Variants in IQCH observed in about 807,000 individuals in gnomAD.
IQCH encodes the protein IQ motif containing H.
Under a neutral mutation model 117.0 loss-of-function variants are expected in IQCH, and 98 were observed. The observed-to-expected ratio is 0.84, with a 90% confidence interval of 0.71 to 0.99. IQCH has a LOEUF of 0.99. Ranked by LOEUF, IQCH falls within the 50% of genes least tolerant of loss-of-function variation. The pLI, the probability that IQCH is intolerant of heterozygous loss-of-function variation, is 0.00. For missense variants in IQCH, 1,102 were observed against 1,243.8 expected (o/e 0.89, Z 1.72); for synonymous variants, 412 against 448.2 (o/e 0.92, Z 1.02).
chr15:67,333,422 A>G (rs1476470751), intron 4 of IQCH, among the ~76,000 whole-genome samples: 3 of 152,342 alleles, frequency 2.0e-5, no homozygotes, highest in Non-Finnish European at 4.4e-5. Context: ...TTGAAGTTTA[A>G]TAATGTGTTA....
intron 16 of IQCH, among the ~76,000 whole-genome samples, chr15:67,452,136 T>C (rs991694210): frequency 4.6e-5 from 7 of 152,290 alleles, no homozygotes; most frequent in Non-Finnish European, 1.5e-5. Context: ...GTGAGATGGG[T>C]TTCCTGAATA....
rs185330061 is a variant in IQCH at position 67,308,245 on chromosome 15, T to C, written c.388-28730T>C. On this transcript the variant is annotated intron_variant, in intron 4 of 20. Transcript: ENST00000335894. ...CTCTTTTTCCAAAAACAGATGTGGGTATTCACTCAAGTTCTGCATCTATTC... is the reference window on the plus strand; with the variant it reads ...CTCTTTTTCCAAAAACAGATGTGGGCATTCACTCAAGTTCTGCATCTATTC... 1.1e-4 allele frequency among the ~76,000 whole-genome samples: 16 copies of C among 152,268 alleles called. No individual in the cohort carries two copies. The East Asian group carries it at 2.7e-3, about 26-fold the overall frequency.
intron 13 of IQCH, among the ~76,000 whole-genome samples, chr15:67,397,442 T>C (rs1206383995): frequency 1.3e-5 from 2 of 152,230 alleles, no homozygotes; most frequent in African/African-American, 4.8e-5. Context: ...AACCAATATT[T>C]CACTGAGTTC....
rs2140832445 is a variant in IQCH, at chr15:67,385,858, T to G, written c.1456+839T>G. ...AAATACAATTTCTTTGGCCCTTATT[T>G]AAGAAAAACAAGGAAGAATTTTAAA... On this transcript the variant is annotated intron_variant, in intron 11 of 20. Transcript: ENST00000335894. This position sits in a 1 kb window ranked among gnomAD's most constrained non-coding sequence, Gnocchi z 4.6. Among the ~76,000 whole-genome samples the G allele has an allele frequency of 6.6e-6, 1 of 152,286 alleles. No individual in the cohort carries two copies. Among genetic ancestry groups the G allele is most frequent in the East Asian group, 1.9e-4 (1 of 5,194 alleles).
At position 67,465,157 on chromosome 15, in the gene IQCH, A is replaced by G; in HGVS notation, c.2536A>G (p.Ser846Gly). 1 of 1,614,166 alleles carries G rather than the reference A, an allele frequency of 6.2e-7. No individual in the cohort carries two copies. ...VWATGLNLAY[S>G]DQLALTQLTL... ...GGCAACCGGCCTTAACCTCGCATAT[A>G]GTGACCAGCTGGCCCTGACTCAACT... The change falls in exon 17 of 21, where the codon AGT (serine) becomes GGT (glycine). Residue 846 changes from serine (S) to glycine (G), a missense_variant. This residue lies in a region of IQCH where 650 missense variants were observed against 794.3 expected (regional missense o/e 0.82). Transcript: ENST00000335894. The surrounding 1 kb of genome is among the most constrained non-coding windows in gnomAD (Gnocchi z 5.9).
At chr15:67,398,747 T>C (rs1276451941) in intron 13 of IQCH, among the ~76,000 whole-genome samples, 3 of 149,866 alleles carry the variant, frequency 2.0e-5, no homozygotes, top group Non-Finnish European at 3.0e-5. Context: ...AAAAAAATTG[T>C]GGGCAAAGAG....
chr15:67,339,889 T>A (rs966781453), intron 5 of IQCH, among the ~76,000 whole-genome samples: 1 of 152,124 alleles, frequency 6.6e-6, no homozygotes, highest in Non-Finnish European at 1.5e-5. Context: ...TTATTTGCTA[T>A]CCCAAGACTA....
At chr15:67,260,185 T>G (rs1359872255) in intron 1 of IQCH, among the ~76,000 whole-genome samples, 1 of 152,236 alleles carries the variant, frequency 6.6e-6, no homozygotes, top group African/African-American at 2.4e-5. Flanking sequence ...AACAAAATGT[T>G]TTTCTTGTGG....
chr15:67,334,385 C>T (rs1385552612), intron 4 of IQCH, among the ~76,000 whole-genome samples: 1 of 152,118 alleles, frequency 6.6e-6, no homozygotes, highest in Non-Finnish European at 1.5e-5. Flanking sequence ...CTTCTCATAC[C>T]CATACCCTAT....
At chr15:67,292,086 A>G (rs1966769244) in intron 4 of IQCH, among the ~76,000 whole-genome samples, 1 of 152,094 alleles carries the variant, frequency 6.6e-6, no homozygotes, top group Non-Finnish European at 1.5e-5. Flanking sequence ...AAGAGGCCCT[A>G]GGGAGCTTCC....
chr15:67,313,612 A>C (rs1967706539), intron 4 of IQCH, among the ~76,000 whole-genome samples: 1 of 152,138 alleles, frequency 6.6e-6, no homozygotes, highest in Non-Finnish European at 1.5e-5. Flanking sequence ...GAGAATAGTG[A>C]GAGTAACAGA....
Position 67,401,267 on chromosome 15 carries a change from TTAAAG to T in IQCH, c.2097+966_2097+970del, listed in dbSNP as rs1220091585. Among the ~76,000 whole-genome samples, 8 of 151,080 alleles carry T rather than the reference TTAAAG, an allele frequency of 5.3e-5. No individual in the cohort carries two copies. The highest frequency in any genetic ancestry group is 1.5e-4 in the African/African-American group (6 of 40,382). Reference sequence around the variant, plus strand: ...TTTAGTCCCTTCCAAATTTGCTTAATTAAAGTAATTTTATATGGTTTAATATATAA... The same window carrying T: ...TTTAGTCCCTTCCAAATTTGCTTAATTAATTTTATATGGTTTAATATATAA... On this transcript the variant is annotated intron_variant, in intron 14 of 20. Coordinates refer to ENST00000335894, the MANE Select transcript of IQCH (RefSeq NM_001031715.3). This position sits in a 1 kb window ranked among gnomAD's most constrained non-coding sequence, Gnocchi z 4.7.
In IQCH at chr15:67,384,681, C is replaced by A. The variant is rs1971049632; in HGVS notation, c.1373-255C>A. On this transcript the variant is annotated intron_variant, in intron 10 of 20. Coordinates refer to ENST00000335894, the MANE Select transcript of IQCH (RefSeq NM_001031715.3). This position sits in a 1 kb window ranked among gnomAD's most constrained non-coding sequence, Gnocchi z 4.3. ...TTCTCCATGTTTTGTCATCTTGATT[C>A]TTAGCAGCCTTGTTGGTACTGAAAA... is the stretch of plus-strand genomic sequence containing the variant. Among the ~76,000 whole-genome samples, 2 of 151,782 alleles carry A rather than the reference C, an allele frequency of 1.3e-5. No individual in the cohort carries two copies. Among genetic ancestry groups the A allele is most frequent in the Non-Finnish European group, 2.9e-5 (2 of 67,928 alleles).
Position 67,357,422 on chromosome 15 carries a change from G to A in IQCH, c.714+1G>A. Reference sequence around the variant, plus strand: ...CTTTCCCAAGAAACAAAGATCAAAGGTATTTATATTCCTCACTATAGAAAG... The same window carrying A: ...CTTTCCCAAGAAACAAAGATCAAAGATATTTATATTCCTCACTATAGAAAG... On this transcript the variant is annotated splice_donor_variant, in intron 7 of 20. Transcript: ENST00000335894. LOFTEE classifies it high-confidence loss of function. 1 of 1,567,944 alleles carries A rather than the reference G, an allele frequency of 6.4e-7. No homozygotes were observed. Among genetic ancestry groups the A allele is most frequent in the African/African-American group, 1.4e-5 (1 of 74,018 alleles).
At chr15:67,258,367 C>G (rs776500857) in intron 1 of IQCH, among the ~76,000 whole-genome samples, 1 of 151,350 alleles carries the variant, frequency 6.6e-6, no homozygotes, top group Non-Finnish European at 1.5e-5. Context: ...CCCGTCTCTA[C>G]TAAAAATACA....
intron 4 of IQCH, among the ~76,000 whole-genome samples, chr15:67,294,975 AG>A (rs1966843456): frequency 6.6e-6 from 1 of 152,204 alleles, no homozygotes; most frequent in Non-Finnish European, 1.5e-5. Context: ...AATGGTGCTT[AG>A]GGGTCTGACT....
At chr15:67,335,883 T>A (rs72745452) in intron 4 of IQCH, among the ~76,000 whole-genome samples, 1 of 152,148 alleles carries the variant, frequency 6.6e-6, no homozygotes, top group Non-Finnish European at 1.5e-5. Context: ...GTGGGGGCCC[T>A]AACCCTTTGT....
chr15:67,486,153 C>T (rs1386411928), intron 18 of IQCH, among the ~76,000 whole-genome samples: 1 of 150,118 alleles, frequency 6.7e-6, no homozygotes, highest in Non-Finnish European at 1.5e-5. Context: ...ACCTCAGCCT[C>T]CTGAGTAGCT....
chr15:67,327,432 TA>T lies in IQCH; in HGVS notation c.388-9534del, dbSNP rs938849846. On this transcript the variant is annotated intron_variant, in intron 4 of 20. Transcript: ENST00000335894. Reference sequence around the variant, plus strand: ...CTGCATAATAAATCACATCAAATCTTAAAAAAAAATGTATAACAGCAGCTCT... The same window carrying T: ...CTGCATAATAAATCACATCAAATCTTAAAAAAAATGTATAACAGCAGCTCT... Among the ~76,000 whole-genome samples, 192 of 151,666 alleles carry T rather than the reference TA, an allele frequency of 1.3e-3. 1 individual carries two copies. The highest frequency in any genetic ancestry group is 3.9e-3 in the African/African-American group (160 of 41,382).
Sources: allele counts gnomAD v4.1 joint callset (sites outside exome capture counted in the v4.1 genomes callset), GRCh38; gene constraint gnomAD v4.1.1; regional missense constraint gnomAD v4.1.1; non-coding constraint Gnocchi (gnomAD v3.1); transcripts MANE v1.5; gene names NCBI Gene and HGNC (gene_info 2026-07-23, HGNC 2026-07-21).